The following ATP9A variants were observed in gnomAD, a reference collection of about 807,000 sequenced individuals.
ATP9A encodes ATPase phospholipid transporting 9A.
In ATP9A, 52 loss-of-function variants were observed where a neutral mutation model predicts 144.1. The ratio of observed to expected loss-of-function variants is 0.36; its 90% CI spans 0.29 to 0.45. The LOEUF is 0.45. ATP9A is among the 20% of genes least tolerant of loss of function. The pLI is 1.00. For missense variants in ATP9A, 947 were observed against 1,392.7 expected, an observed-to-expected ratio of 0.68 and a Z score of 5.09; for synonymous variants, 582 against 557.4, an observed-to-expected ratio of 1.04 and a Z score of -0.62.
Position 51,729,823 on chromosome 20 carries a change from C to A in ATP9A, c.213+11G>T. 1.3e-6 allele frequency: 2 copies of A among 1,568,494 alleles called. No individual in the cohort carries two copies. Among genetic ancestry groups the A allele is most frequent in the South Asian group, 1.2e-5 (1 of 83,460 alleles). Reference sequence around the variant, plus strand: ...AAAAAAGAAAAGAGCACGGTCCCTGCCTGCACGTACCCCAGGAAGAAAGGT... The same window carrying A: ...AAAAAAGAAAAGAGCACGGTCCCTGACTGCACGTACCCCAGGAAGAAAGGT... On this transcript the variant is annotated intron_variant, in intron 2 of 27. Transcript: ENST00000338821.
At chr20:51,693,129 T>C (rs537763031) in intron 7 of ATP9A, among the ~76,000 whole-genome samples, 1 of 152,272 alleles carries the variant, frequency 6.6e-6, no homozygotes, top group South Asian at 2.1e-4. Flanking sequence ...CGCCCCATCA[T>C]ACACACTGGG....
chr20:51,627,706 G>A (rs756585231), intron 16 of ATP9A, 23 bp from the exon 17 acceptor site: 52 of 1,605,964 alleles, frequency 3.2e-5, no homozygotes, highest in Non-Finnish European at 4.3e-5. Context: ...CCACGGTCGA[G>A]TGGGAGCGGT....
intron 1 of ATP9A, among the ~76,000 whole-genome samples, chr20:51,758,210 A>G (rs1213758740): frequency 2.0e-5 from 3 of 152,216 alleles, no homozygotes; most frequent in Non-Finnish European, 4.4e-5. Context: ...TACATATATT[A>G]ATCTTTCAAA....
intron 13 of ATP9A, among the ~76,000 whole-genome samples, chr20:51,669,018 C>T (rs778907124): frequency 2.0e-5 from 3 of 152,116 alleles, no homozygotes; most frequent in Admixed American, 6.6e-5. Context: ...TTCTCTATTT[C>T]GACGAATTTA....
intron 22 of ATP9A, among the ~76,000 whole-genome samples, chr20:51,614,062 G>A (rs538255894): frequency 2.0e-5 from 3 of 152,296 alleles, no homozygotes; most frequent in South Asian, 2.1e-4. Flanking sequence ...TAATTTGGAC[G>A]TCAAGTGGAT....
At chr20:51,750,578 A>G (rs552434138) in intron 1 of ATP9A, among the ~76,000 whole-genome samples, 3 of 152,338 alleles carry the variant, frequency 2.0e-5, no homozygotes, top group Non-Finnish European at 4.4e-5. Context: ...GTGTGTGCCA[A>G]GCGCTGTGGC....
At chr20:51,651,441 C>T (rs1027108080) in intron 14 of ATP9A, among the ~76,000 whole-genome samples, 4 of 143,996 alleles carry the variant, frequency 2.8e-5, no homozygotes, top group Admixed American at 1.4e-4. Flanking sequence ...TATATAAATA[C>T]ACATAAAATA....
intron 18 of ATP9A, among the ~76,000 whole-genome samples, chr20:51,622,457 T>A (rs891866254): frequency 4.6e-5 from 7 of 152,200 alleles, no homozygotes; most frequent in African/African-American, 7.2e-5. Flanking sequence ...TTGGACCGCA[T>A]AATTCCCCTT....
intron 13 of ATP9A, among the ~76,000 whole-genome samples, chr20:51,657,653 C>T (rs979569216): frequency 6.6e-6 from 1 of 152,220 alleles, no homozygotes; most frequent in African/African-American, 2.4e-5. Context: ...AGGCCAAAAT[C>T]ACCCTCGGCT....
In ATP9A at chr20:51,639,420, C is replaced by T. The variant is rs2077309201; in HGVS notation, c.1591G>A (p.Asp531Asn). The change falls in exon 15 of 28, where the codon GAC becomes AAC. Residue 531 changes from aspartate to asparagine, a missense_variant. By Grantham distance (23) the Asp-to-Asn change is conservative. Coordinates refer to ENST00000338821, the MANE Select transcript of ATP9A (RefSeq NM_006045.3). Reference sequence around the variant, plus strand: ...AGGATGGTGAAGTTCAGGATCTGGTCGCCAGGGGTCCTCAGCTGCATGGAA... The same window carrying T: ...AGGATGGTGAAGTTCAGGATCTGGTTGCCAGGGGTCCTCAGCTGCATGGAA... ...QSSMQLRTPG[D>N]QILNFTILQI... The T allele has an allele frequency of 1.1e-5, 17 of 1,613,940 alleles. No individual in the cohort carries two copies. Among genetic ancestry groups the T allele is most frequent in the African/African-American group, 1.3e-5 (1 of 74,902 alleles).
In ATP9A at chr20:51,625,442, G is replaced by A. The variant is rs1226905090; in HGVS notation, c.1846-80C>T. 8 of 1,484,282 alleles carry A rather than the reference G, an allele frequency of 5.4e-6. No individual in the cohort carries two copies. The Admixed American group carries it at 1.2e-4, about 23-fold the overall frequency. The allele number at this position is 1,484,282 out of a possible 1,614,324, so 91.9% of individuals were successfully genotyped here. On this transcript the variant is annotated intron_variant, in intron 17 of 27. Transcript: ENST00000338821. ...ACTGGCCAGTGCCAAGAGTGGAAGG[G>A]CCACACCCGATCCCCACCACACGGG... is the stretch of plus-strand genomic sequence containing the variant.
intron 23 of ATP9A, among the ~76,000 whole-genome samples, chr20:51,612,668 G>A (rs2077189147): frequency 6.6e-6 from 1 of 152,132 alleles, no homozygotes; most frequent in Admixed American, 6.5e-5. Context: ...GAGGCGATCT[G>A]CCCACCTCGG....
At chr20:51,751,767 T>A (rs1422884840) in intron 1 of ATP9A, among the ~76,000 whole-genome samples, 61 of 148,250 alleles carry the variant, frequency 4.1e-4, no homozygotes, top group African/African-American at 4.7e-4. Context: ...TTTTTGTATT[T>A]TTAGTAGAGA....
chr20:51,699,342 A>G (rs2122831147), intron 4 of ATP9A, among the ~76,000 whole-genome samples: 1 of 151,828 alleles, frequency 6.6e-6, no homozygotes, highest in East Asian at 1.9e-4. Context: ...TCAAAAAAAA[A>G]AAAAAAAAAA....
Position 51,713,054 on chromosome 20 carries a change from A to C in ATP9A, c.348T>G (p.Thr116=), listed in dbSNP as rs201300232. 16 of 1,611,896 alleles carry C rather than the reference A, an allele frequency of 9.9e-6. No individual in the cohort carries two copies. In the East Asian group the frequency reaches 3.6e-4, roughly 36 times the overall value. The change falls in exon 4 of 28, where the codon ACT becomes ACG. Residue 116 remains threonine (T), a synonymous_variant. Coordinates refer to ENST00000338821, the MANE Select transcript of ATP9A (RefSeq NM_006045.3). ...WVPLGFVLAV[T]VIREAVEEIR... is the part of the protein sequence containing the mutation. ...TCTCCTCCACCGCCTCACGGATGAC[A>C]GTGACGGCCAGCACGAAGCCCTGCA...
At chr20:51,700,770 C>A (rs1051112319) in intron 4 of ATP9A, among the ~76,000 whole-genome samples, 1 of 152,166 alleles carries the variant, frequency 6.6e-6, no homozygotes, top group African/African-American at 2.4e-5. Flanking sequence ...GCGGAGGTTG[C>A]AGTGAGCCCA....
chr20:51,613,367 C>A (rs552963473), intron 23 of ATP9A, among the ~76,000 whole-genome samples: 1 of 152,234 alleles, frequency 6.6e-6, no homozygotes, highest in Non-Finnish European at 1.5e-5. Flanking sequence ...ATGCCAGGCA[C>A]TGGATGTCAC....
chr20:51,651,041 C>T (rs2077362178), intron 14 of ATP9A, among the ~76,000 whole-genome samples: 1 of 149,594 alleles, frequency 6.7e-6, no homozygotes, highest in Admixed American at 6.8e-5. Flanking sequence ...TGCAGTGGTG[C>T]AATCTCGGAA....
At chr20:51,742,915 C>T (rs1012119702) in intron 1 of ATP9A, among the ~76,000 whole-genome samples, 4 of 152,144 alleles carry the variant, frequency 2.6e-5, no homozygotes, top group Non-Finnish European at 4.4e-5. Context: ...AATAAATAAG[C>T]GTCTTGCTAA....
Sources: gnomAD v4.1 joint callset for allele counts (sites outside exome capture counted in the v4.1 genomes callset) on GRCh38, gnomAD v4.1.1 for gene constraint, MANE v1.5 for transcripts, NCBI Gene and HGNC (gene_info 2026-07-23, HGNC 2026-07-21) for gene names.